The following CHSY3 variants were observed in gnomAD, a reference collection of about 807,000 sequenced individuals.
The protein encoded by CHSY3 is chondroitin sulfate synthase 3.
CHSY3 carries 35 observed loss-of-function variants against 67.2 expected under a neutral mutation model. That is an observed-to-expected ratio of 0.52 (90% CI 0.40 to 0.69). CHSY3 has a LOEUF of 0.69. Ranked by LOEUF, CHSY3 falls within the 30% of genes least tolerant of loss-of-function variation. The pLI is 0.00. For synonymous variants in CHSY3, 474 were observed against 434.7 expected (o/e 1.09, Z -1.12); for missense variants, 1,069 against 1,138.5 (o/e 0.94, Z 0.88).
chr5:129,990,377 A>ACTGT (rs1554075035), intron 2 of CHSY3, among the ~76,000 whole-genome samples: 4 of 147,578 alleles, frequency 2.7e-5, no homozygotes, highest in African/African-American at 1.0e-4. Context: ...TGAGTGAGTG[A>ACTGT]GTGTGTGTGT....
chr5:130,183,148 C>T (rs1475903306), intron 2 of CHSY3, among the ~76,000 whole-genome samples: 2 of 151,836 alleles, frequency 1.3e-5, no homozygotes, highest in Non-Finnish European at 2.9e-5. Context: ...TGTTCATAAT[C>T]ACGTATCTCG....
chr5:130,027,799 A>C (rs1387712994), intron 2 of CHSY3, among the ~76,000 whole-genome samples: 1 of 152,062 alleles, frequency 6.6e-6, no homozygotes, highest in African/African-American at 2.4e-5. Context: ...AAGGACATGA[A>C]CTCATCCATT....
At position 130,091,146 on chromosome 5, in the gene CHSY3, GCA is replaced by G. The variant is rs148312347; in HGVS notation, c.1087-93067_1087-93066del. Among the ~76,000 whole-genome samples, 57 of 149,524 alleles carry G rather than the reference GCA, an allele frequency of 3.8e-4. 1 individual carries two copies. Among genetic ancestry groups the G allele is most frequent in the African/African-American group, 6.9e-4 (28 of 40,374 alleles). ...CACACACACACACACGCACACGCGC[GCA>G]CACACACACACACACTACTTTTGTT... On this transcript the variant is annotated intron_variant, in intron 2 of 2. Coordinates refer to ENST00000305031, the MANE Select transcript of CHSY3 (RefSeq NM_175856.5).
chr5:130,141,763 G>T, intron 2 of CHSY3: 1 of 463,776 alleles, frequency 2.2e-6, no homozygotes, highest in South Asian at 1.7e-5. Context: ...CAACTGGCTG[G>T]ATAAGAATCA....
At chr5:129,954,523 T>A (rs926550082) in intron 2 of CHSY3, among the ~76,000 whole-genome samples, 3 of 152,116 alleles carry the variant, frequency 2.0e-5, no homozygotes, top group African/African-American at 7.2e-5. Flanking sequence ...GTGAAGAAAG[T>A]CAATGGTAAC....
At chr5:129,933,457 T>G (rs1761381685) in intron 2 of CHSY3, among the ~76,000 whole-genome samples, 1 of 151,866 alleles carries the variant, frequency 6.6e-6, no homozygotes, top group South Asian at 2.1e-4. Flanking sequence ...TATTTCATTT[T>G]AATAACAAAT....
chr5:130,031,630 C>A (rs188380175), intron 2 of CHSY3, among the ~76,000 whole-genome samples: 15 of 152,204 alleles, frequency 9.9e-5, no homozygotes, highest in Admixed American at 6.5e-4. Context: ...GGATATATAT[C>A]TTGCATAAAC....
At chr5:129,979,202 A>G (rs1762903615) in intron 2 of CHSY3, among the ~76,000 whole-genome samples, 1 of 134,636 alleles carries the variant, frequency 7.4e-6, no homozygotes, top group Non-Finnish European at 1.5e-5. Context: ...TCCGTCTCAA[A>G]AAAAAAAAAA....
At chr5:129,933,168 A>C (rs1029065932) in intron 2 of CHSY3, among the ~76,000 whole-genome samples, 3 of 152,184 alleles carry the variant, frequency 2.0e-5, no homozygotes, top group African/African-American at 7.2e-5. Flanking sequence ...TGAGCCATCA[A>C]ACAAAGGTTA....
chr5:129,930,048 G>A (rs1054001912), intron 2 of CHSY3, among the ~76,000 whole-genome samples: 2 of 152,160 alleles, frequency 1.3e-5, no homozygotes, highest in African/African-American at 2.4e-5. Flanking sequence ...CTATGCCTTC[G>A]GGCATGGTGG....
chr5:129,972,951 A>G (rs1163304024), intron 2 of CHSY3, among the ~76,000 whole-genome samples: 2 of 151,838 alleles, frequency 1.3e-5, no homozygotes, highest in African/African-American at 4.8e-5. Context: ...CTTGATCTTT[A>G]GCCCACAGAT....
chr5:129,977,289 G>A lies in CHSY3; in HGVS notation c.1086+68929G>A, dbSNP rs544639090. Among the ~76,000 whole-genome samples the A allele has an allele frequency of 2.6e-5, 4 of 152,154 alleles. No individual in the cohort carries two copies. The East Asian group carries it at 5.8e-4, about 22-fold the overall frequency. ...TCCAAAGATAGGTATTTCAAGGATAGGTATATTTTCAATTACTGATTAGCA... is the reference window on the plus strand; with the variant it reads ...TCCAAAGATAGGTATTTCAAGGATAAGTATATTTTCAATTACTGATTAGCA... On this transcript the variant is annotated intron_variant, in intron 2 of 2. Transcript: ENST00000305031.
chr5:130,083,725 A>C (rs938646652), intron 2 of CHSY3, among the ~76,000 whole-genome samples: 2 of 152,158 alleles, frequency 1.3e-5, no homozygotes, highest in East Asian at 3.9e-4. Context: ...TGAATTCTTG[A>C]CATACAGTGT....
chr5:130,059,147 G>A (rs1323475507), intron 2 of CHSY3, among the ~76,000 whole-genome samples: 4 of 152,156 alleles, frequency 2.6e-5, no homozygotes, highest in African/African-American at 9.7e-5. Flanking sequence ...ATCAGCTGAG[G>A]CCTAAAGAGC....
chr5:130,016,024 C>T (rs1378642695), intron 2 of CHSY3, among the ~76,000 whole-genome samples: 1 of 152,072 alleles, frequency 6.6e-6, no homozygotes, highest in African/African-American at 2.4e-5. Flanking sequence ...TAAATACAAG[C>T]TAAACATTTA....
Position 129,905,059 on chromosome 5 carries a change from C to T in CHSY3, c.230C>T (p.Pro77Leu), listed in dbSNP as rs973509555. The T allele has an allele frequency of 4.5e-5, 69 of 1,546,402 alleles. No homozygotes were observed. Among genetic ancestry groups the T allele is most frequent in the Non-Finnish European group, 5.8e-5 (67 of 1,152,532 alleles). Reference protein sequence around the residue: ...QSRPRQEQSPPPARQDLQGPP... With the variant: ...QSRPRQEQSPLPARQDLQGPP... The stretch of plus-strand genomic sequence containing the variant: ...CGACCACGGCAGGAGCAGTCGCCGC[C>T]CCCCGCGCGCCAGGATCTCCAGGGG... The change falls in exon 1 of 3, where the codon CCC becomes CTC. Residue 77 changes from proline to leucine, a missense_variant. Pro to Leu is a moderately conservative substitution (Grantham distance 98). This residue lies in a region of CHSY3 where 309 missense variants were observed against 262.5 expected (regional missense o/e 1.18). Transcript: ENST00000305031.
chr5:129,949,274 C>T (rs576085076), intron 2 of CHSY3, among the ~76,000 whole-genome samples: 28 of 152,108 alleles, frequency 1.8e-4, no homozygotes, highest in Middle Eastern at 3.2e-3. Context: ...GAAGGTATTA[C>T]AGCTAATACT....
intron 2 of CHSY3, among the ~76,000 whole-genome samples, chr5:130,173,450 T>C (rs1179590540): frequency 6.6e-6 from 1 of 152,224 alleles, no homozygotes; most frequent in African/African-American, 2.4e-5. Flanking sequence ...ACTGATGTTA[T>C]TCAGATTTTC....
At chr5:129,922,428 C>T (rs1760955838) in intron 2 of CHSY3, among the ~76,000 whole-genome samples, 1 of 152,192 alleles carries the variant, frequency 6.6e-6, no homozygotes, top group Admixed American at 6.5e-5. Flanking sequence ...TTCATAATGG[C>T]TATTCTAATT....
Sources: allele counts gnomAD v4.1 joint callset (sites outside exome capture counted in the v4.1 genomes callset), GRCh38; gene constraint gnomAD v4.1.1; regional missense constraint gnomAD v4.1.1; transcripts MANE v1.5; gene names NCBI Gene and HGNC (gene_info 2026-07-23, HGNC 2026-07-21).